The following FBXW11 variants were observed in gnomAD, a reference collection of about 807,000 sequenced individuals.
The protein encoded by FBXW11 is F-box/WD repeat-containing protein 11.
A neutral mutation model predicts 77.6 loss-of-function variants in FBXW11; 19 were observed. That is an observed-to-expected ratio of 0.24 (90% CI 0.17 to 0.36). The LOEUF is 0.36. FBXW11 is among the 10% of genes least tolerant of loss of function. FBXW11 has a pLI of 1.00. For missense variants in FBXW11, 334 were observed against 704.2 expected (o/e 0.47, Z 5.95); for synonymous variants, 235 against 249.4 (o/e 0.94, Z 0.54).
At chr5:171,964,424 G>A (rs576188918) in intron 1 of FBXW11, among the ~76,000 whole-genome samples, 2 of 152,254 alleles carry the variant, frequency 1.3e-5, no homozygotes, top group Non-Finnish European at 2.9e-5. Context: ...GGCTCAAGGG[G>A]AGTACATAAC....
At chr5:171,887,050 GT>G (rs1758951970) in intron 7 of FBXW11, among the ~76,000 whole-genome samples, 1 of 152,062 alleles carries the variant, frequency 6.6e-6, no homozygotes, top group Non-Finnish European at 1.5e-5. Context: ...TAAAAATAGA[GT>G]TCCGTGGTCA....
chr5:171,956,070 T>C (rs1278249608), intron 2 of FBXW11, among the ~76,000 whole-genome samples: 1 of 152,110 alleles, frequency 6.6e-6, no homozygotes, highest in African/African-American at 2.4e-5. Context: ...ACAACTACAA[T>C]TTTTCCCCCT....
At chr5:171,882,832 T>C (rs1758614109) in intron 7 of FBXW11, among the ~76,000 whole-genome samples, 1 of 152,118 alleles carries the variant, frequency 6.6e-6, no homozygotes, top group Admixed American at 6.6e-5. Flanking sequence ...ACAGGTGGTA[T>C]TTGGTTACCT....
chr5:171,905,595 C>CCCCA, intron 4 of FBXW11, among the ~76,000 whole-genome samples: 1 of 101,228 alleles, frequency 9.9e-6, no homozygotes, highest in East Asian at 4.1e-4. Context: ...GCTAACCCCC[C>CCCCA]CCCCTTTATT....
intron 1 of FBXW11, among the ~76,000 whole-genome samples, chr5:171,969,998 C>T (rs1764435670): frequency 6.6e-6 from 1 of 152,214 alleles, no homozygotes; most frequent in Non-Finnish European, 1.5e-5. Flanking sequence ...AGCAACCACG[C>T]CTGGCTTAAT....
intron 6 of FBXW11, among the ~76,000 whole-genome samples, chr5:171,898,025 A>G (rs1759865816): frequency 6.6e-6 from 1 of 152,196 alleles, no homozygotes; most frequent in Non-Finnish European, 1.5e-5. Flanking sequence ...GGGTTACTTT[A>G]TAGATCATTT....
At chr5:171,884,162 T>C (rs911575911) in intron 7 of FBXW11, among the ~76,000 whole-genome samples, 2 of 152,262 alleles carry the variant, frequency 1.3e-5, no homozygotes, top group African/African-American at 4.8e-5. Flanking sequence ...AGAATTTTTC[T>C]AGTTTCAGGT....
At position 171,899,052 on chromosome 5, in the gene FBXW11, T is replaced by C; in HGVS notation, c.666A>G (p.Pro222=). 6.2e-7 allele frequency: 1 copy of C among 1,609,438 alleles called. No individual in the cohort carries two copies. The highest frequency in any genetic ancestry group is 8.5e-7 in the Non-Finnish European group (1 of 1,178,300). The change falls in exon 6 of 14, where the codon CCA becomes CCG. Residue 222 remains proline (P), a synonymous_variant. Coordinates refer to ENST00000517395, the MANE Select transcript of FBXW11 (RefSeq NM_001378974.1). ...LFKNRPTDGP[P]NSFYRSLYPK... ...GGTATAATGACCTATAAAATGAATT[T>C]GGAGGGCCATCTGTGGGTCTGTTTT...
At chr5:171,943,427 T>G (rs1762847721) in intron 2 of FBXW11, among the ~76,000 whole-genome samples, 1 of 152,194 alleles carries the variant, frequency 6.6e-6, no homozygotes. Flanking sequence ...CTTGACATCC[T>G]TTTCTTGGCC....
chr5:171,979,368 T>G (rs981758568), intron 1 of FBXW11, among the ~76,000 whole-genome samples: 5 of 152,180 alleles, frequency 3.3e-5, no homozygotes, highest in Non-Finnish European at 7.3e-5. Flanking sequence ...TACATGTATA[T>G]GTATAGATGA....
chr5:171,885,973 C>T (rs1427055407), intron 7 of FBXW11, among the ~76,000 whole-genome samples: 3 of 152,186 alleles, frequency 2.0e-5, no homozygotes, highest in Non-Finnish European at 2.9e-5. Flanking sequence ...CTTCAAAGCG[C>T]ACTTCTGCTC....
chr5:171,998,397 A>G (rs1234751135), intron 1 of FBXW11, among the ~76,000 whole-genome samples: 1 of 143,268 alleles, frequency 7.0e-6, no homozygotes, highest in Non-Finnish European at 1.5e-5. Context: ...CTGGCCTCGA[A>G]CTCCTAAGCT....
intron 1 of FBXW11, among the ~76,000 whole-genome samples, chr5:171,967,919 CAT>C (rs1253603440): frequency 4.0e-4 from 59 of 146,908 alleles, no homozygotes; most frequent in Middle Eastern, 3.5e-3. Context: ...CACACACACA[CAT>C]ATAAATCTGG....
intron 1 of FBXW11, among the ~76,000 whole-genome samples, chr5:171,959,605 T>C (rs964092038): frequency 5.3e-5 from 8 of 152,066 alleles, no homozygotes; most frequent in African/African-American, 1.9e-4. Context: ...CCTAGCACTT[T>C]GGGAAGCCAA....
intron 2 of FBXW11, among the ~76,000 whole-genome samples, chr5:171,937,104 G>C (rs1762519232): frequency 6.6e-6 from 1 of 152,170 alleles, no homozygotes; most frequent in Non-Finnish European, 1.5e-5. Context: ...TTGGATAAGA[G>C]AACTCAACAT....
chr5:171,904,356 G>C lies in FBXW11; in HGVS notation c.437-4256C>G, dbSNP rs570546725. Among the ~76,000 whole-genome samples the C allele has an allele frequency of 1.3e-5, 2 of 151,802 alleles. No individual in the cohort carries two copies. Among genetic ancestry groups the C allele is most frequent in the South Asian group, 4.2e-4 (2 of 4,774 alleles). ...GATACTCGCCTTTTCAAACCTCAAAGGCTGCAACATCCCCATCATCTGTGA... is the reference window on the plus strand; with the variant it reads ...GATACTCGCCTTTTCAAACCTCAAACGCTGCAACATCCCCATCATCTGTGA... On this transcript the variant is annotated intron_variant, in intron 4 of 13. Transcript: ENST00000517395. This position sits in a 1 kb window ranked among gnomAD's most constrained non-coding sequence, Gnocchi z 4.0.
At chr5:171,948,929 A>G (rs1763160999) in intron 2 of FBXW11, among the ~76,000 whole-genome samples, 1 of 152,216 alleles carries the variant, frequency 6.6e-6, no homozygotes, top group African/African-American at 2.4e-5. Context: ...GTGATTTCTT[A>G]GTGCTAGTAC....
intron 1 of FBXW11, among the ~76,000 whole-genome samples, chr5:171,958,803 G>A (rs1180789570): frequency 6.6e-6 from 1 of 152,122 alleles, no homozygotes; most frequent in Non-Finnish European, 1.5e-5. Flanking sequence ...AATTAAAGGT[G>A]AGTGTTTGGG....
intron 2 of FBXW11, among the ~76,000 whole-genome samples, chr5:171,939,696 C>CAAAAAAAAAAAAA (rs58051402): frequency 2.5e-5 from 2 of 80,058 alleles, no homozygotes; most frequent in Non-Finnish European, 5.1e-5. Context: ...GACCCTGTCT[C>CAAAAAAAAAAAAA]AAAAAAAAAA....
Sources: allele counts gnomAD v4.1 joint callset (sites outside exome capture counted in the v4.1 genomes callset), GRCh38; gene constraint gnomAD v4.1.1; non-coding constraint Gnocchi (gnomAD v3.1); transcripts MANE v1.5; gene names NCBI Gene and HGNC (gene_info 2026-07-23, HGNC 2026-07-21).